KATNIP: variants seen among roughly 807,000 people sequenced by gnomAD.
KATNIP encodes the protein katanin interacting protein, also known as katanin-interacting protein.
A neutral mutation model predicts 174.0 loss-of-function variants in KATNIP; 126 were observed. That is an observed-to-expected ratio of 0.72 (90% confidence interval 0.63 to 0.84). The LOEUF is 0.84. Among genes scored for constraint, KATNIP ranks in the 40% least tolerant of loss-of-function variants. The pLI, the probability that KATNIP is intolerant of heterozygous loss-of-function variation, is 0.00. For missense variants in KATNIP, 1,958 were observed against 2,109.7 expected (o/e 0.93, Z 1.41); for synonymous variants, 810 against 835.7 (o/e 0.97, Z 0.53).
chr16:27,678,164 A>G (rs2078191757), intron 7 of KATNIP, among the ~76,000 whole-genome samples, 168 bp downstream of exon 7: 1 of 152,170 alleles, frequency 6.6e-6, no homozygotes, highest in Non-Finnish European at 1.5e-5. Context: ...GAGCTTCCCA[A>G]AGGCTTCCTC....
chr16:27,778,442 C>T, intron 27 of KATNIP, 132 bp from the exon 28 acceptor site: 4 of 841,352 alleles, frequency 4.8e-6, no homozygotes, highest in Non-Finnish European at 7.7e-6. Context: ...GTGCCAGGCG[C>T]CCCGAGAGCA....
At chr16:27,762,378 G>A (rs189732635) in intron 19 of KATNIP, among the ~76,000 whole-genome samples, 6 of 152,318 alleles carry the variant, frequency 3.9e-5, no homozygotes, top group East Asian at 1.9e-4. Flanking sequence ...TGGGCTATGC[G>A]AAGCAGGTGA....
At chr16:27,671,067 C>T (rs1007136625) in intron 6 of KATNIP, among the ~76,000 whole-genome samples, 4 of 152,122 alleles carry the variant, frequency 2.6e-5, no homozygotes, top group Non-Finnish European at 4.4e-5. Flanking sequence ...GTGGTGTGTG[C>T]TTGTAAGCCC....
chr16:27,558,721 GGCCC>G (rs2089730476), intron 1 of KATNIP, among the ~76,000 whole-genome samples: 1 of 152,192 alleles, frequency 6.6e-6, no homozygotes. Context: ...AGACTTATGT[GGCCC>G]ACGGGCCAAA....
intron 15 of KATNIP, among the ~76,000 whole-genome samples, chr16:27,742,139 A>G (rs533077716): frequency 6.6e-6 from 1 of 152,216 alleles, no homozygotes; most frequent in East Asian, 1.9e-4. Flanking sequence ...TGATTATGAA[A>G]GGAGAGCCCA....
chr16:27,631,334 G>C (rs550096211), intron 5 of KATNIP, 172 bp downstream of exon 5: 2 of 559,396 alleles, frequency 3.6e-6, no homozygotes, highest in South Asian at 4.8e-5. Context: ...GAGCCCAGAA[G>C]TTCGAGACCA....
intron 2 of KATNIP, among the ~76,000 whole-genome samples, chr16:27,582,078 C>T (rs966031671): frequency 2.6e-5 from 4 of 152,146 alleles, no homozygotes; most frequent in East Asian, 1.9e-4. Context: ...GCCCTGAGCT[C>T]GTAAGATTTG....
At chr16:27,673,354 T>C (rs1437650867) in intron 6 of KATNIP, among the ~76,000 whole-genome samples, 14 of 152,208 alleles carry the variant, frequency 9.2e-5, no homozygotes, top group Non-Finnish European at 1.5e-5. Flanking sequence ...TAGGAACTCA[T>C]GTTGCCCTGG....
chr16:27,681,267 C>A, intron 7 of KATNIP, 132 bp from the exon 8 acceptor site: 1 of 1,207,278 alleles, frequency 8.3e-7, no homozygotes, highest in Non-Finnish European at 1.2e-6. Flanking sequence ...CATCTCTAAT[C>A]CCAAACTGCA....
At chr16:27,642,489 G>A (rs976925482) in intron 5 of KATNIP, among the ~76,000 whole-genome samples, 4 of 152,072 alleles carry the variant, frequency 2.6e-5, no homozygotes, top group African/African-American at 7.2e-5. Flanking sequence ...CTTCAAAGCC[G>A]TTACAGCTTC....
intron 1 of KATNIP, among the ~76,000 whole-genome samples, chr16:27,563,728 G>A (rs912957739): frequency 3.3e-5 from 5 of 151,914 alleles, no homozygotes; most frequent in Admixed American, 2.0e-4. Context: ...AGGCAAGAGT[G>A]GAGGCAGGGA....
intron 6 of KATNIP, among the ~76,000 whole-genome samples, chr16:27,666,563 G>T (rs1211308723): frequency 6.6e-6 from 1 of 152,036 alleles, no homozygotes; most frequent in Non-Finnish European, 1.5e-5. Context: ...GATTACAGGT[G>T]TCCACCACCA....
intron 4 of KATNIP, 57 bp downstream of exon 4, chr16:27,628,887 G>T (rs746296509): frequency 1.1e-5 from 18 of 1,568,830 alleles, no homozygotes; most frequent in Non-Finnish European, 1.5e-5. Context: ...TTAATTAGGG[G>T]CAGGGTGCAG....
chr16:27,625,455 C>T (rs780698989), intron 3 of KATNIP, among the ~76,000 whole-genome samples: 3 of 152,224 alleles, frequency 2.0e-5, no homozygotes, highest in Non-Finnish European at 4.4e-5. Context: ...TCCCTGGAGA[C>T]TGACGGTGCC....
intron 14 of KATNIP, among the ~76,000 whole-genome samples, chr16:27,726,227 A>T (rs2080444809): frequency 6.6e-6 from 1 of 152,214 alleles, no homozygotes; most frequent in South Asian, 2.1e-4. Context: ...AAACAGTTTC[A>T]TCCCAAAACC....
At chr16:27,690,771 T>C (rs2078702021) in intron 8 of KATNIP, among the ~76,000 whole-genome samples, 1 of 152,194 alleles carries the variant, frequency 6.6e-6, no homozygotes, top group African/African-American at 2.4e-5. Context: ...ACCAGGCATG[T>C]GACCACAGGG....
Position 27,557,204 on chromosome 16 carries a change from C to T in KATNIP, c.7+7027C>T, listed in dbSNP as rs935804866. On this transcript the variant is annotated intron_variant, in intron 1 of 27. Transcript: ENST00000261588. ...TAGCCCAGGCTGGAGTACAGTGGCGCGATCTTGGCTTACTGCATCCTCCGC... is the reference window on the plus strand; with the variant it reads ...TAGCCCAGGCTGGAGTACAGTGGCGTGATCTTGGCTTACTGCATCCTCCGC... Among the ~76,000 whole-genome samples the T allele has an allele frequency of 4.0e-5, 6 of 148,930 alleles. No individual in the cohort carries two copies. In the East Asian group the frequency reaches 5.9e-4, roughly 15 times the overall value.
intron 2 of KATNIP, among the ~76,000 whole-genome samples, chr16:27,582,266 TA>T (rs890349976): frequency 4.6e-5 from 7 of 151,800 alleles, no homozygotes; most frequent in African/African-American, 1.7e-4. Flanking sequence ...TGCTTTGTTT[TA>T]AAAAAAGTTT....
At position 27,589,602 on chromosome 16, in the gene KATNIP, C is replaced by T. The variant is rs1198869358; in HGVS notation, c.63+15646C>T. 2.6e-5 allele frequency among the ~76,000 whole-genome samples: 4 copies of T among 152,250 alleles called. No individual in the cohort carries two copies. In the East Asian group the frequency reaches 7.7e-4, roughly 29 times the overall value. ...TTTACCCAAAAACATCTGAGACAGC[C>T]TGTCTTTCTAATTGTATGGAATAGT... On this transcript the variant is annotated intron_variant, in intron 2 of 27. Transcript: ENST00000261588.
Sources: gnomAD v4.1 joint callset for allele counts (sites outside exome capture counted in the v4.1 genomes callset) on GRCh38, gnomAD v4.1.1 for gene constraint, MANE v1.5 for transcripts, NCBI Gene and HGNC (gene_info 2026-07-23, HGNC 2026-07-21) for gene names.